The following GRIA4 variants were observed in gnomAD, a reference collection of about 807,000 sequenced individuals.
GRIA4 encodes glutamate ionotropic receptor AMPA type subunit 4.
In GRIA4, 34 loss-of-function variants were observed where a neutral mutation model predicts 104.0. The ratio of observed to expected loss-of-function variants is 0.33; its 90% CI spans 0.25 to 0.44. The LOEUF (loss-of-function observed/expected upper bound fraction) is 0.44. Ranked by LOEUF, GRIA4 falls within the 20% of genes least tolerant of loss-of-function variation. The probability of loss-of-function intolerance (pLI) is 1.00; values close to 1 mark genes in which losing one functional copy is unlikely to be tolerated. For synonymous variants in GRIA4, 386 were observed against 381.9 expected, an observed-to-expected ratio of 1.01 and a Z score of -0.13; for missense variants, 750 against 1,096.5, an observed-to-expected ratio of 0.68 and a Z score of 4.46.
chr11:105,929,026 T>C (rs1257540100), intron 13 of GRIA4, among the ~76,000 whole-genome samples: 2 of 152,082 alleles, frequency 1.3e-5, no homozygotes, highest in African/African-American at 2.4e-5. Flanking sequence ...GTATCTATTG[T>C]TGCAGAACAT....
intron 16 of GRIA4, 182 bp downstream of exon 16, chr11:105,974,626 T>C: frequency 2.8e-6 from 4 of 1,451,170 alleles, no homozygotes; most frequent in Non-Finnish European, 3.8e-6. Flanking sequence ...GACCTGTCTG[T>C]CCAGTGGTGG....
At chr11:105,685,149 AGGAG>A (rs1486925858) in intron 3 of GRIA4, among the ~76,000 whole-genome samples, 2 of 92,708 alleles carry the variant, frequency 2.2e-5, no homozygotes, top group Admixed American at 1.5e-4. Context: ...GAGGGAGGGA[AGGAG>A]GGAGGAAGGA....
chr11:105,808,287 C>T (rs1943030842), intron 4 of GRIA4, among the ~76,000 whole-genome samples: 1 of 151,760 alleles, frequency 6.6e-6, no homozygotes, highest in African/African-American at 2.4e-5. Context: ...ATATCTAGAA[C>T]CAGAGAGAGA....
chr11:105,635,741 G>A (rs755957260), intron 3 of GRIA4, among the ~76,000 whole-genome samples: 8 of 152,154 alleles, frequency 5.3e-5, no homozygotes, highest in Non-Finnish European at 1.0e-4. Flanking sequence ...ACTGGAAATT[G>A]TGTTAGTAAT....
chr11:105,750,776 A>C (rs977476018), intron 3 of GRIA4, among the ~76,000 whole-genome samples: 4 of 152,086 alleles, frequency 2.6e-5, no homozygotes, highest in Non-Finnish European at 4.4e-5. Context: ...CAGTTGTTCA[A>C]TATTTAAAAT....
At chr11:105,843,381 TATA>T (rs1354382706) in intron 4 of GRIA4, among the ~76,000 whole-genome samples, 5 of 152,198 alleles carry the variant, frequency 3.3e-5, no homozygotes, top group African/African-American at 4.8e-5. Flanking sequence ...GTTTGAAACA[TATA>T]ATAGGCAATA....
intron 11 of GRIA4, 57 bp from the exon 12 acceptor site, chr11:105,924,342 T>G (rs1947649122): frequency 7.5e-7 from 1 of 1,341,626 alleles, no homozygotes. Flanking sequence ...ATTCCAGTGC[T>G]AATTGCTTCA....
intron 14 of GRIA4, among the ~76,000 whole-genome samples, chr11:105,945,864 G>A (rs1252186199): frequency 2.6e-5 from 4 of 151,910 alleles, no homozygotes; most frequent in African/African-American, 9.7e-5. Flanking sequence ...GTTACTATCA[G>A]CCAAACAATA....
chr11:105,634,468 GGAAAGAAAGAAAGAAA>G (rs751748317), intron 3 of GRIA4, among the ~76,000 whole-genome samples: 14 of 94,350 alleles, frequency 1.5e-4, no homozygotes, highest in African/African-American at 5.7e-4. Flanking sequence ...AGAAAGAAAG[GGAAAGAAAGAAAGAAA>G]GAAAGAAAGA....
chr11:105,692,960 C>T (rs142433463), intron 3 of GRIA4, among the ~76,000 whole-genome samples: 2 of 152,136 alleles, frequency 1.3e-5, no homozygotes, highest in Admixed American at 1.3e-4. Flanking sequence ...AAAACACACA[C>T]GCTAGACTCT....
At chr11:105,656,457 G>A (rs1951849089) in intron 3 of GRIA4, among the ~76,000 whole-genome samples, 1 of 152,058 alleles carries the variant, frequency 6.6e-6, no homozygotes, top group African/African-American at 2.4e-5. Flanking sequence ...CAGGACATAG[G>A]CATGGGCAAA....
chr11:105,879,783 A>G (rs1424668726), intron 5 of GRIA4, among the ~76,000 whole-genome samples: 1 of 152,232 alleles, frequency 6.6e-6, no homozygotes, highest in Non-Finnish European at 1.5e-5. Flanking sequence ...TTTGGTATTC[A>G]TCAATTATCT....
chr11:105,904,013 T>G (rs1467977784), intron 8 of GRIA4, 32 bp downstream of exon 8: 1 of 1,453,008 alleles, frequency 6.9e-7, no homozygotes, highest in African/African-American at 1.4e-5. Flanking sequence ...GTTCAATTCA[T>G]TTCATGGTCT....
intron 4 of GRIA4, among the ~76,000 whole-genome samples, chr11:105,802,403 C>G (rs1413938568): frequency 6.6e-6 from 1 of 152,040 alleles, no homozygotes; most frequent in African/African-American, 2.4e-5. Flanking sequence ...AGTAGTTATA[C>G]CTTGATAACA....
intron 13 of GRIA4, among the ~76,000 whole-genome samples, chr11:105,927,596 T>C (rs1251597967): frequency 6.6e-6 from 1 of 152,086 alleles, no homozygotes; most frequent in Non-Finnish European, 1.5e-5. Context: ...TTGCATTATA[T>C]ATATGGATGT....
chr11:105,915,665 A>G (rs543898964), intron 10 of GRIA4, among the ~76,000 whole-genome samples: 2 of 152,330 alleles, frequency 1.3e-5, no homozygotes, highest in East Asian at 1.9e-4. Flanking sequence ...TTTACATAGA[A>G]GATCATATGA....
At chr11:105,623,229 A>G (rs1022699907) in intron 3 of GRIA4, among the ~76,000 whole-genome samples, 1 of 151,842 alleles carries the variant, frequency 6.6e-6, no homozygotes, top group Non-Finnish European at 1.5e-5. Context: ...ATAGATACCC[A>G]GTAGTGGGAT....
chr11:105,638,051 G>C (rs138389127), intron 3 of GRIA4, among the ~76,000 whole-genome samples: 5 of 152,148 alleles, frequency 3.3e-5, no homozygotes, highest in African/African-American at 1.2e-4. Context: ...AATATGTTTT[G>C]TGCGTTTGAA....
intron 14 of GRIA4, among the ~76,000 whole-genome samples, chr11:105,947,025 A>T (rs1948332325): frequency 6.6e-6 from 1 of 152,208 alleles, no homozygotes; most frequent in African/African-American, 2.4e-5. Flanking sequence ...GTTAGAGGTT[A>T]TTGTTTTCTG....
Sources: gnomAD v4.1 joint callset for allele counts (sites outside exome capture counted in the v4.1 genomes callset) on GRCh38, gnomAD v4.1.1 for gene constraint, MANE v1.5 for transcripts, NCBI Gene and HGNC (gene_info 2026-07-23, HGNC 2026-07-21) for gene names.